Variants in NYAP2 observed in about 807,000 individuals in gnomAD.
NYAP2 encodes neuronal tyrosine-phosphorylated phosphoinositide-3-kinase adapter 2.
Under a neutral mutation model 50.4 loss-of-function variants are expected in NYAP2, and 23 were observed. The ratio of observed to expected loss-of-function variants is 0.46; its 90% CI spans 0.33 to 0.65. The LOEUF (loss-of-function observed/expected upper bound fraction) is 0.65, where lower values mean the gene tolerates loss of function less well. NYAP2 is among the 30% of genes least tolerant of loss of function. NYAP2 has a pLI of 0.02. For synonymous variants in NYAP2, 394 were observed against 365.2 expected, an observed-to-expected ratio of 1.08 and a Z score of -0.90; for missense variants, 885 against 861.0, an observed-to-expected ratio of 1.03 and a Z score of -0.35.
intron 3 of NYAP2, among the ~76,000 whole-genome samples, chr2:225,446,842 C>T (rs1689572413): frequency 6.6e-6 from 1 of 152,034 alleles, no homozygotes; most frequent in African/African-American, 2.4e-5. Flanking sequence ...CAAATAGATT[C>T]AGACAGTTTT....
intron 4 of NYAP2, among the ~76,000 whole-genome samples, chr2:225,517,498 G>C (rs1690956820): frequency 6.6e-6 from 1 of 152,156 alleles, no homozygotes; most frequent in African/African-American, 2.4e-5. Context: ...AGGATCAACA[G>C]GCAAACATTG....
At chr2:225,519,312 C>T (rs989016294) in intron 4 of NYAP2, among the ~76,000 whole-genome samples, 8 of 150,778 alleles carry the variant, frequency 5.3e-5, no homozygotes, top group African/African-American at 1.2e-4. Context: ...AGGGTACATG[C>T]GCACAATGTG....
upstream of NYAP2, among the ~76,000 whole-genome samples, chr2:225,398,978 G>A (rs1293072650): frequency 1.3e-5 from 2 of 152,024 alleles, no homozygotes; most frequent in Non-Finnish European, 2.9e-5. Context: ...GAATTAGACA[G>A]GTGAACTTGT....
intron 4 of NYAP2, among the ~76,000 whole-genome samples, chr2:225,578,321 GCT>G (rs1692204594): frequency 6.6e-6 from 1 of 152,010 alleles, no homozygotes; most frequent in Non-Finnish European, 1.5e-5. Context: ...CCTGCATTAG[GCT>G]CTCTTCACCA....
intron 4 of NYAP2, among the ~76,000 whole-genome samples, chr2:225,518,524 ATATATATAT>A: frequency 1.8e-4 from 1 of 5,434 alleles, no homozygotes; most frequent in Admixed American, 1.9e-3. Context: ...GTGAGCTAAT[ATATATATAT>A]ATATATATAT....
At chr2:225,684,518 G>GT in the NYAP2 span, among the ~76,000 whole-genome samples, 1 of 143,304 alleles carries the variant, frequency 7.0e-6, no homozygotes, top group Admixed American at 7.2e-5. Context: ...CTCCTGATTT[G>GT]TTTTTTCCAC....
intron 3 of NYAP2, among the ~76,000 whole-genome samples, chr2:225,415,994 T>C (rs1009012625): frequency 6.6e-6 from 1 of 152,170 alleles, no homozygotes; most frequent in African/African-American, 2.4e-5. Context: ...ATTTCTGACC[T>C]AATTTTGCTG....
At chr2:225,522,789 A>T (rs1033471459) in intron 4 of NYAP2, among the ~76,000 whole-genome samples, 42 of 152,306 alleles carry the variant, frequency 2.8e-4, no homozygotes, top group African/African-American at 9.9e-4. Context: ...AGTTAAAGGA[A>T]CAATTTCTAG....
chr2:225,698,472 T>G, the NYAP2 span: 2 of 152,468 alleles, frequency 1.3e-5, no homozygotes, highest in South Asian at 4.1e-4. Flanking sequence ...GGAAGAAGAA[T>G]GCAGGTGCCA....
chr2:225,429,792 A>T (rs1261006760), intron 3 of NYAP2, among the ~76,000 whole-genome samples: 1 of 152,186 alleles, frequency 6.6e-6, no homozygotes, highest in Non-Finnish European at 1.5e-5. Flanking sequence ...TTTTAGTATT[A>T]ATTTGAATTC....
chr2:225,697,389 T>C, the NYAP2 span, among the ~76,000 whole-genome samples: 1 of 151,960 alleles, frequency 6.6e-6, no homozygotes, highest in Non-Finnish European at 1.5e-5. Flanking sequence ...AATGTAGACA[T>C]TTGCCGAAGC....
At chr2:225,547,684 G>T (rs1014580420) in intron 4 of NYAP2, among the ~76,000 whole-genome samples, 1 of 152,216 alleles carries the variant, frequency 6.6e-6, no homozygotes, top group Non-Finnish European at 1.5e-5. Flanking sequence ...ACTGCTGGGG[G>T]ATGGGGAAGA....
At chr2:225,533,685 T>C (rs1184643577) in intron 4 of NYAP2, among the ~76,000 whole-genome samples, 1 of 149,850 alleles carries the variant, frequency 6.7e-6, no homozygotes, top group Admixed American at 6.6e-5. Context: ...CAAGACTCTG[T>C]CTCAAAAAAA....
chr2:225,454,652 G>T (rs962593193), intron 3 of NYAP2, among the ~76,000 whole-genome samples: 1 of 152,096 alleles, frequency 6.6e-6, no homozygotes, highest in Non-Finnish European at 1.5e-5. Flanking sequence ...GGCAGCGTTA[G>T]GTTCTCATAG....
chr2:225,533,654 A>T (rs1433096790), intron 4 of NYAP2, among the ~76,000 whole-genome samples: 1 of 151,758 alleles, frequency 6.6e-6, no homozygotes, highest in Admixed American at 6.6e-5. Context: ...GCACCACTAC[A>T]CTCCAGCCTG....
chr2:225,660,660 A>G, the NYAP2 span, among the ~76,000 whole-genome samples: 3 of 152,244 alleles, frequency 2.0e-5, no homozygotes, highest in South Asian at 2.1e-4. Context: ...TAGCGTCTGT[A>G]GCGCACTTTG....
At chr2:225,493,864 A>C (rs1217867896) in intron 3 of NYAP2, among the ~76,000 whole-genome samples, 1 of 152,230 alleles carries the variant, frequency 6.6e-6, no homozygotes, top group Non-Finnish European at 1.5e-5. Flanking sequence ...TCAGAGTTGG[A>C]AAGAAGTGCA....
chr2:225,424,018 T>C (rs959467471), intron 3 of NYAP2, among the ~76,000 whole-genome samples: 2 of 152,276 alleles, frequency 1.3e-5, no homozygotes, highest in South Asian at 4.1e-4. Flanking sequence ...GTCCCTAAGA[T>C]ACCTGATGAA....
chr2:225,403,913 A>T (rs1376731272), intron 2 of NYAP2, among the ~76,000 whole-genome samples: 1 of 151,990 alleles, frequency 6.6e-6, no homozygotes, highest in Non-Finnish European at 1.5e-5. Context: ...AATGTATGAA[A>T]TTACACTCAT....
Sources: allele counts gnomAD v4.1 joint callset (sites outside exome capture counted in the v4.1 genomes callset), GRCh38; gene constraint gnomAD v4.1.1; transcripts MANE v1.5; gene names NCBI Gene and HGNC (gene_info 2026-07-23, HGNC 2026-07-21).